Variants in UBP1 observed in about 807,000 individuals in gnomAD.
UBP1 encodes the protein upstream binding protein 1.
In UBP1, 22 loss-of-function variants were observed where a neutral mutation model predicts 76.1. That is an observed-to-expected ratio of 0.29 (90% CI 0.21 to 0.41). The LOEUF is 0.41. Among genes scored for constraint, UBP1 ranks in the 10% least tolerant of loss-of-function variants. The pLI is 1.00. For synonymous variants in UBP1, 224 were observed against 237.1 expected, an observed-to-expected ratio of 0.94 and a Z score of 0.51; for missense variants, 436 against 668.1, an observed-to-expected ratio of 0.65 and a Z score of 3.83.
chr3:33,410,342 G>A (rs977270761), intron 5 of UBP1, among the ~76,000 whole-genome samples: 1 of 152,132 alleles, frequency 6.6e-6, no homozygotes, highest in African/African-American at 2.4e-5. Flanking sequence ...ACTGATCTCT[G>A]CAATATGACA....
chr3:33,397,045 C>A lies in UBP1; in HGVS notation c.1271G>T (p.Arg424Met). ...GIRLYNSLKS[R>M]SVRPRLTIYV... Reference sequence around the variant, plus strand: ...AGCAAAACAGTTCACAGTATTTTACCTTGACTTCAGTGAATTATAGAGCCG... The same window carrying A: ...AGCAAAACAGTTCACAGTATTTTACATTGACTTCAGTGAATTATAGAGCCG... The change falls in exon 12 of 16, where the codon AGG becomes ATG. Residue 424 changes from arginine to methionine, a missense_variant and splice_region_variant. Coordinates refer to ENST00000283629, the MANE Select transcript of UBP1 (RefSeq NM_014517.5). 6.3e-7 allele frequency: 1 copy of A among 1,590,122 alleles called. No individual in the cohort carries two copies. Among genetic ancestry groups the A allele is most frequent in the Non-Finnish European group, 8.5e-7 (1 of 1,169,944 alleles).
chr3:33,405,948 T>A (rs1175664985), intron 8 of UBP1, among the ~76,000 whole-genome samples: 26 of 152,158 alleles, frequency 1.7e-4, no homozygotes, highest in Admixed American at 1.6e-3. Context: ...TACCCAATTA[T>A]GTATCTCCTT....
intron 1 of UBP1, among the ~76,000 whole-genome samples, chr3:33,432,082 CTT>C (rs1234195806): frequency 1.3e-5 from 2 of 152,136 alleles, no homozygotes; most frequent in East Asian, 3.9e-4. Flanking sequence ...AATCTCAACA[CTT>C]TGGGAGGCCG....
At chr3:33,415,179 CTAAT>C (rs1048808235) in intron 3 of UBP1, among the ~76,000 whole-genome samples, 6 of 152,204 alleles carry the variant, frequency 3.9e-5, no homozygotes, top group Non-Finnish European at 7.3e-5. Flanking sequence ...ACCTATCAGA[CTAAT>C]TATTTCTAAA....
chr3:33,402,884 G>A lies in UBP1; in HGVS notation c.948C>T (p.Ala316=), dbSNP rs1194829106. The change falls in exon 9 of 16, where the codon GCC becomes GCT. Residue 316 remains alanine, a synonymous_variant. Transcript: ENST00000283629. ...GGCTGTTATTCACATAGGCTGTGGG[G>A]GCATCGGGCCACGGAGAACACTAAG... The part of the protein sequence containing the change: ...KRGSCSPWPD[A]PTAYVNNSPS... 4 of 1,610,128 alleles carry A rather than the reference G, an allele frequency of 2.5e-6. No individual in the cohort carries two copies. Among genetic ancestry groups the A allele is most frequent in the Non-Finnish European group, 2.5e-6 (3 of 1,178,590 alleles).
intron 2 of UBP1, among the ~76,000 whole-genome samples, chr3:33,423,450 C>T (rs1473335562): frequency 1.3e-5 from 2 of 152,106 alleles, no homozygotes; most frequent in African/African-American, 4.8e-5. Context: ...AATAAATGAA[C>T]ACAATTCCAG....
intron 8 of UBP1, among the ~76,000 whole-genome samples, chr3:33,408,309 A>ATTTCTTTAGT (rs1285948387): frequency 2.0e-5 from 3 of 152,218 alleles, no homozygotes; most frequent in Non-Finnish European, 4.4e-5. Flanking sequence ...CAGTTACACA[A>ATTTCTTTAGT]AAATAATAGC....
intron 8 of UBP1, among the ~76,000 whole-genome samples, chr3:33,405,999 A>C (rs2044409562): frequency 6.6e-6 from 1 of 152,254 alleles, no homozygotes; most frequent in African/African-American, 2.4e-5. Flanking sequence ...TTCTATTATC[A>C]GTCAGCTTTC....
chr3:33,412,344 TAAAAA>T (rs1164514983), intron 4 of UBP1, among the ~76,000 whole-genome samples: 2 of 150,322 alleles, frequency 1.3e-5, no homozygotes, highest in African/African-American at 4.9e-5. Context: ...GGGAAAAAAA[TAAAAA>T]GAAAATAATG....
intron 2 of UBP1, among the ~76,000 whole-genome samples, chr3:33,417,774 T>TAATA (rs1252864303): frequency 9.9e-5 from 15 of 152,218 alleles, no homozygotes; most frequent in Non-Finnish European, 7.3e-5. Context: ...AGAATGCTTA[T>TAATA]AATATCACAT....
In UBP1 at chr3:33,396,233, C is replaced by T. The variant is rs748166215; in HGVS notation, c.1319G>A (p.Ser440Asn). Residue 440 changes from serine (S) to asparagine (N), a missense_variant, in exon 13 of 16, where the codon AGC becomes AAC. Physicochemically the swap from Ser to Asn is conservative, Grantham distance 46. Coordinates refer to ENST00000283629, the MANE Select transcript of UBP1 (RefSeq NM_014517.5). ...CTGCTGCCCTTGCAGCACTGTGCTG[C>T]TTGGCTGCTCCCGGCAGACATAGAT... ...LTIYVCREQP[S>N]STVLQGQQQA... 1 of 1,593,448 alleles carries T rather than the reference C, an allele frequency of 6.3e-7. No individual in the cohort carries two copies. Among genetic ancestry groups the T allele is most frequent in the Admixed American group, 1.7e-5 (1 of 59,764 alleles).
At chr3:33,427,517 TTC>T (rs1266371497) in intron 1 of UBP1, among the ~76,000 whole-genome samples, 7 of 152,336 alleles carry the variant, frequency 4.6e-5, no homozygotes, top group African/African-American at 1.7e-4. Context: ...ACTGCTTATT[TTC>T]TCTTTTTTTC....
chr3:33,423,327 T>C (rs534064201), intron 2 of UBP1, among the ~76,000 whole-genome samples: 151 of 151,470 alleles, frequency 1.0e-3, no homozygotes, highest in African/African-American at 3.6e-3. Flanking sequence ...GCGTGAGCCA[T>C]CGTGCCCGGC....
rs771654107 is a variant in UBP1, at chr3:33,439,798, G to A, written c.51C>T (p.His17=). 8.6e-5 allele frequency: 138 copies of A among 1,612,618 alleles called. No individual in the cohort carries two copies. The highest frequency in any genetic ancestry group is 1.1e-4 in the Non-Finnish European group (134 of 1,179,696). The change falls in exon 1 of 16, where the codon CAC becomes CAT. Residue 17 remains histidine, a synonymous_variant. Coordinates refer to ENST00000283629, the MANE Select transcript of UBP1 (RefSeq NM_014517.5). The stretch of plus-strand genomic sequence containing the variant: ...TGCCCGAGAGGCTGGCGTCGAAGTC[G>A]TGCACCAGCCCGGACTCGATCACCT... ...MDEVIESGLV[H]DFDASLSGIG...
intron 4 of UBP1, 95 bp downstream of exon 4, chr3:33,412,626 TC>T (rs1553675981): frequency 2.4e-6 from 2 of 818,170 alleles, no homozygotes; most frequent in South Asian, 3.2e-5. Flanking sequence ...ACCAAAACTT[TC>T]CCCACACAAG....
chr3:33,403,097 T>A, intron 8 of UBP1, 193 bp from the exon 9 acceptor site: 1 of 538,118 alleles, frequency 1.9e-6, no homozygotes, highest in Non-Finnish European at 3.3e-6. Flanking sequence ...TGTGTGCGTC[T>A]AGACACTGAT....
rs112367660 is a variant in UBP1, at chr3:33,392,731, A to G, written c.1534-117T>C. Reference sequence around the variant, plus strand: ...AACACAGGACTCAATGGCCAAAACGATAATTCATGAAGGCAGTGTGAGGCA... The same window carrying G: ...AACACAGGACTCAATGGCCAAAACGGTAATTCATGAAGGCAGTGTGAGGCA... On this transcript the variant is annotated intron_variant, in intron 14 of 15. Transcript: ENST00000283629. 527 of 924,834 alleles carry G rather than the reference A, an allele frequency of 5.7e-4. 2 individuals are homozygous for G. The highest frequency in any genetic ancestry group is 3.1e-3 in the East Asian group (116 of 37,852). The allele number at this position is 924,834 out of a possible 1,614,324, so 57.3% of individuals were successfully genotyped here.
rs575627508 is a variant in UBP1, at chr3:33,413,620, C to T, written c.343-793G>A. Among the ~76,000 whole-genome samples the T allele has an allele frequency of 5.3e-5, 8 of 151,550 alleles. No individual in the cohort carries two copies. The South Asian group carries it at 1.0e-3, about 20-fold the overall frequency. ...TAAAACAAAAATCCGAAACACTGCCCGCTGCCTTGAAAAAGTGAACTTAGG... is the reference window on the plus strand; with the variant it reads ...TAAAACAAAAATCCGAAACACTGCCTGCTGCCTTGAAAAAGTGAACTTAGG... On this transcript the variant is annotated intron_variant, in intron 3 of 15. Coordinates refer to ENST00000283629, the MANE Select transcript of UBP1 (RefSeq NM_014517.5).
chr3:33,392,369 T>G, intron 15 of UBP1, 194 bp downstream of exon 15: 1 of 511,040 alleles, frequency 2.0e-6, no homozygotes, highest in Non-Finnish European at 3.3e-6. Context: ...TTTCCAGTCA[T>G]CTAGAAAGAC....
Sources: allele counts gnomAD v4.1 joint callset (sites outside exome capture counted in the v4.1 genomes callset), GRCh38; gene constraint gnomAD v4.1.1; transcripts MANE v1.5; gene names NCBI Gene and HGNC (gene_info 2026-07-23, HGNC 2026-07-21).